Variants in MYLK3 observed in about 807,000 individuals in gnomAD.
The protein encoded by MYLK3 is MLC kinase.
MYLK3 carries 55 observed loss-of-function variants against 76.3 expected under a neutral mutation model. That is an observed-to-expected ratio of 0.72 (90% CI 0.58 to 0.90). The LOEUF (loss-of-function observed/expected upper bound fraction) is 0.90, where lower values mean the gene tolerates loss of function less well. Ranked by LOEUF, MYLK3 falls within the 40% of genes least tolerant of loss-of-function variation. The pLI is 0.00. For synonymous variants in MYLK3, 416 were observed against 425.4 expected (o/e 0.98, Z 0.27); for missense variants, 973 against 1,053.6 (o/e 0.92, Z 1.06).
chr16:46,741,646 C>T (rs1966932709), intron 1 of MYLK3, among the ~76,000 whole-genome samples: 1 of 152,214 alleles, frequency 6.6e-6, no homozygotes. Flanking sequence ...AGAGAGGCCG[C>T]TGTATCAGTG....
chr16:46,755,349 T>A (rs1967184343), intron 1 of MYLK3, among the ~76,000 whole-genome samples: 1 of 151,778 alleles, frequency 6.6e-6, no homozygotes, highest in Non-Finnish European at 1.5e-5. Flanking sequence ...TCCCAGCTAC[T>A]CAGGAGGCTG....
In MYLK3 at chr16:46,760,290, C is replaced by T. The variant is rs571256183; in HGVS notation, c.-114+2750G>A. ...AGTCCCTTCGACTCCTACAAACACA[C>T]GCGCAGCTTTGGGACCCCACCTCAC... is the stretch of plus-strand genomic sequence containing the variant. On this transcript the variant is annotated intron_variant, in intron 1 of 11. Coordinates refer to the MYLK3 transcript ENST00000536476. 5.3e-5 allele frequency among the ~76,000 whole-genome samples: 8 copies of T among 152,350 alleles called. No individual in the cohort carries two copies. The East Asian group carries it at 1.5e-3, about 29-fold the overall frequency.
At chr16:46,733,028 G>A (rs1244060445) in intron 3 of MYLK3, among the ~76,000 whole-genome samples, 2 of 152,292 alleles carry the variant, frequency 1.3e-5, no homozygotes, top group Non-Finnish European at 2.9e-5. Flanking sequence ...CAACTCAAAC[G>A]TCACACTGGA....
chr16:46,730,436 T>A (rs1966850314), intron 5 of MYLK3, among the ~76,000 whole-genome samples, 157 bp downstream of exon 5: 1 of 152,120 alleles, frequency 6.6e-6, no homozygotes, highest in Non-Finnish European at 1.5e-5. Flanking sequence ...TGGGCCACCA[T>A]GCACCCCATG....
chr16:46,749,088 T>C (rs1403407386), upstream of MYLK3, among the ~76,000 whole-genome samples: 3 of 152,230 alleles, frequency 2.0e-5, no homozygotes, highest in South Asian at 6.2e-4. Flanking sequence ...CAGGCCTGTG[T>C]TTCCTGTGGT....
At chr16:46,709,710 T>G in intron 11 of MYLK3, 39 bp from the exon 12 acceptor site, 1 of 1,598,636 alleles carries the variant, frequency 6.3e-7, no homozygotes, top group African/African-American at 1.4e-5. Flanking sequence ...TTAGTTGGAG[T>G]TGCCTTTTCT....
chr16:46,743,607 C>T (rs151328369), intron 1 of MYLK3, among the ~76,000 whole-genome samples: 1 of 152,322 alleles, frequency 6.6e-6, no homozygotes, highest in Non-Finnish European at 1.5e-5. Flanking sequence ...AGAAATCTAG[C>T]AAGTTCCAGT....
chr16:46,735,921 TG>T (rs1342154026), intron 3 of MYLK3, among the ~76,000 whole-genome samples: 1 of 152,230 alleles, frequency 6.6e-6, no homozygotes, highest in African/African-American at 2.4e-5. Context: ...CTACCCGCCA[TG>T]TGGCAGACTC....
At chr16:46,743,381 C>G (rs909595797) in intron 1 of MYLK3, among the ~76,000 whole-genome samples, 2 of 152,232 alleles carry the variant, frequency 1.3e-5, no homozygotes, top group African/African-American at 4.8e-5. Flanking sequence ...TAATGCACGG[C>G]GTTCAGCACT....
intron 1 of MYLK3, among the ~76,000 whole-genome samples, chr16:46,755,149 TCAGC>T (rs1387520456): frequency 6.6e-6 from 1 of 152,078 alleles, no homozygotes; most frequent in Non-Finnish European, 1.5e-5. Flanking sequence ...TCCACCTGCC[TCAGC>T]CTACCAAAGT....
At chr16:46,749,273 C>A (rs1420690903), upstream of MYLK3, among the ~76,000 whole-genome samples, 1 of 152,224 alleles carries the variant, frequency 6.6e-6, no homozygotes, top group African/African-American at 2.4e-5. Flanking sequence ...CATTTCCATC[C>A]AGCTCCCCGT....
intron 6 of MYLK3, among the ~76,000 whole-genome samples, 158 bp downstream of exon 6, chr16:46,729,436 A>G (rs546214778): frequency 9.9e-5 from 15 of 152,266 alleles, no homozygotes; most frequent in Middle Eastern, 3.4e-3. Context: ...GTCTGGACCC[A>G]GGGCTGTGAA....
chr16:46,735,541 C>T (rs1011248208), intron 3 of MYLK3, among the ~76,000 whole-genome samples: 5 of 152,276 alleles, frequency 3.3e-5, no homozygotes, highest in East Asian at 3.9e-4. Context: ...AAAACAGTGA[C>T]GCCTTTCTCC....
At position 46,732,516 on chromosome 16, in the gene MYLK3, G is replaced by A. The variant is rs1235725661; in HGVS notation, c.1154C>T (p.Pro385Leu). Residue 385 changes from proline (P) to leucine (L), a missense_variant, in exon 4 of 13, where the codon CCT (proline) becomes CTT (leucine). Physicochemically the swap from Pro to Leu is moderately conservative, Grantham distance 98. Coordinates refer to ENST00000394809, the MANE Select transcript of MYLK3 (RefSeq NM_182493.3). The stretch of plus-strand genomic sequence containing the variant: ...GGTCTGTTCTCCGGGCTCAGTCCCA[G>A]GGGCTTGGAGGCAGCGCCCGGTCCC... ...PPGTGRCLQA[P>L]GTEPGEQTPE... The A allele has an allele frequency of 6.2e-7, 1 of 1,605,522 alleles. No individual in the cohort carries two copies.
chr16:46,709,588 A>G lies in MYLK3; in HGVS notation c.2351T>C (p.Leu784Pro). 6.2e-7 allele frequency: 1 copy of G among 1,614,200 alleles called. No homozygotes were observed. Residue 784 changes from leucine (L) to proline (P), a missense_variant, in exon 12 of 13, where the codon CTC (leucine) becomes CCC (proline). Transcript: ENST00000394809. ...PAKASRSKTR[L>P]KSQLLLQKYI... Reference sequence around the variant, plus strand: ...TTTCTGCAGCAGTAGTTGGGATTTGAGACGAGTTTTGGATCTTGAAGCTTT... The same window carrying G: ...TTTCTGCAGCAGTAGTTGGGATTTGGGACGAGTTTTGGATCTTGAAGCTTT...
intron 9 of MYLK3, among the ~76,000 whole-genome samples, chr16:46,719,959 C>G (rs1428316324): frequency 6.6e-6 from 1 of 152,228 alleles, no homozygotes; most frequent in East Asian, 1.9e-4. Flanking sequence ...AGGAGGATCA[C>G]TTGAGGTCAG....
intron 2 of MYLK3, 75 bp from the exon 3 acceptor site, chr16:46,738,218 G>A (rs1272209268): frequency 1.4e-5 from 18 of 1,294,174 alleles, no homozygotes; most frequent in Non-Finnish European, 1.9e-5. Context: ...CAAGGAATCT[G>A]CACAAGGCCA....
chr16:46,710,809 C>T lies in MYLK3; in HGVS notation c.2115-20G>A. On this transcript the variant is annotated intron_variant, in intron 10 of 12. Transcript: ENST00000394809. ...CTGAGTCTATAGAAGAGAGAAAGGA[C>T]CATCAGTAGGTGGAGGCCACATTTG... The T allele has an allele frequency of 6.2e-7, 1 of 1,613,772 alleles. No homozygotes were observed. The highest frequency in any genetic ancestry group is 8.5e-7 in the Non-Finnish European group (1 of 1,179,990).
chr16:46,762,875 A>T (rs191304722), intron 1 of MYLK3, among the ~76,000 whole-genome samples: 13 of 152,348 alleles, frequency 8.5e-5, no homozygotes, highest in African/African-American at 3.1e-4. Context: ...AGACCTGTAC[A>T]AAACCAAAGC....
Sources: allele counts gnomAD v4.1 joint callset (sites outside exome capture counted in the v4.1 genomes callset), GRCh38; gene constraint gnomAD v4.1.1; transcripts MANE v1.5; gene names NCBI Gene and HGNC (gene_info 2026-07-23, HGNC 2026-07-21).